The following NGRN variants were observed in gnomAD, a reference collection of about 807,000 sequenced individuals.
NGRN encodes neugrin, neurite outgrowth associated.
NGRN carries 12 observed loss-of-function variants against 13.1 expected under a neutral mutation model. That is an observed-to-expected ratio of 0.92 (90% CI 0.59 to 1.49). The LOEUF (loss-of-function observed/expected upper bound fraction) is 1.49, where lower values mean the gene tolerates loss of function less well. Among genes scored for constraint, NGRN ranks in the 40% most tolerant of loss-of-function variants. The pLI, the probability that NGRN is intolerant of heterozygous loss-of-function variation, is 0.00. For missense variants in NGRN, 397 were observed against 357.0 expected (o/e 1.11, Z -0.90); for synonymous variants, 149 against 145.8 (o/e 1.02, Z -0.16).
chr15:90,272,015 C>A lies in NGRN; in HGVS notation c.*227C>A. On this transcript the variant is annotated 3_prime_UTR_variant, in exon 3 of 3. Transcript: ENST00000379095. ...TCAGTACTCACTCTTCTTGCTTAGG[C>A]TCTCTGTGTGTTGAAAGCCATCCCG... is the stretch of plus-strand genomic sequence containing the variant. The A allele has an allele frequency of 5.5e-6, 3 of 544,734 alleles. No homozygotes were observed. The South Asian group carries it at 8.9e-5, about 16-fold the overall frequency. The allele number at this position is 544,734 out of a possible 1,614,324, so 33.7% of individuals were successfully genotyped here. A position where few individuals can be genotyped will look rare whatever the true frequency, so the allele number is the denominator to read the frequency against.
chr15:90,266,564 C>G (rs1449317537), intron 2 of NGRN, among the ~76,000 whole-genome samples, 166 bp downstream of exon 2: 1 of 152,140 alleles, frequency 6.6e-6, no homozygotes, highest in Non-Finnish European at 1.5e-5. Context: ...ACTTCCCTAA[C>G]CCTGTCATTA....
intron 2 of NGRN, among the ~76,000 whole-genome samples, chr15:90,268,853 T>G (rs1222882536): frequency 6.6e-6 from 1 of 150,790 alleles, no homozygotes; most frequent in Non-Finnish European, 1.5e-5. Context: ...TGGTCTCCAG[T>G]TTCTGAGCTC....
Position 90,271,401 on chromosome 15 carries a change from C to G in NGRN, c.489C>G (p.Leu163=). 1 of 1,614,002 alleles carries G rather than the reference C, an allele frequency of 6.2e-7. No individual in the cohort carries two copies. Among genetic ancestry groups the G allele is most frequent in the Non-Finnish European group, 8.5e-7 (1 of 1,179,994 alleles). The change falls in exon 3 of 3, where the codon CTC becomes CTG. Residue 163 remains leucine, a synonymous_variant. Transcript: ENST00000379095. ...GCTCTGGAAATACCTCAAAGCTGCT[C>G]CCTGCAGGCCACTCTGTATCAGGCT... ...LRGSGNTSKL[L]PAGHSVSGSL...
Position 90,268,404 on chromosome 15 carries a change from A to C in NGRN, c.275+2006A>C, listed in dbSNP as rs1393081203. Among the ~76,000 whole-genome samples, 4 of 151,432 alleles carry C rather than the reference A, an allele frequency of 2.6e-5. No homozygotes were observed. The East Asian group carries it at 7.7e-4, about 29-fold the overall frequency. On this transcript the variant is annotated intron_variant, in intron 2 of 2. Transcript: ENST00000379095. ...TGTCCTTTTAAGAGGAAAAAAAAAA[A>C]ACAGTCCATTAAGTAAAAACTTTCA...
rs568636459 is a variant in NGRN, at chr15:90,269,796, A to G, written c.276-1392A>G. ...TAGAATTCATCGTTGTTCCCTGACA[A>G]CTTCATTCTGTTCCTGTTTTTCCTA... On this transcript the variant is annotated intron_variant, in intron 2 of 2. Transcript: ENST00000379095. 3.9e-5 allele frequency among the ~76,000 whole-genome samples: 6 copies of G among 152,236 alleles called. No individual in the cohort carries two copies. The East Asian group carries it at 1.2e-3, about 29-fold the overall frequency.
chr15:90,269,454 G>A (rs1963475508), intron 2 of NGRN, among the ~76,000 whole-genome samples: 1 of 151,978 alleles, frequency 6.6e-6, no homozygotes. Flanking sequence ...TGACTCCAGG[G>A]TACCATTCCC....
Position 90,265,847 on chromosome 15 carries a change from G to A in NGRN, c.135G>A (p.Pro45=). The A allele has an allele frequency of 1.9e-6, 3 of 1,605,340 alleles. No homozygotes were observed. The highest frequency in any genetic ancestry group is 4.5e-5 in the East Asian group (2 of 44,454). ...CGGACCCCGATTCCGACTGGGAGCC[G>A]GAGGAACGGGAGCTGCAGGAGGTGG... ...REPDPDSDWE[P]EERELQEVES... Residue 45 remains proline, a synonymous_variant, in exon 1 of 3, where the codon CCG becomes CCA. Coordinates refer to ENST00000379095, the MANE Select transcript of NGRN (RefSeq NM_001033088.3).
At chr15:90,266,667 G>T (rs560785447) in intron 2 of NGRN, among the ~76,000 whole-genome samples, 1 of 152,218 alleles carries the variant, frequency 6.6e-6, no homozygotes, top group South Asian at 2.1e-4. Context: ...TCCCGCCTCG[G>T]CCTCTCAGAG....
chr15:90,271,899 A>G lies in NGRN; in HGVS notation c.*111A>G. The G allele has an allele frequency of 6.9e-7, 1 of 1,446,290 alleles. No homozygotes were observed. Among genetic ancestry groups the G allele is most frequent in the South Asian group, 1.3e-5 (1 of 76,094 alleles). 89.6% of individuals were successfully genotyped at this position (1,446,290 alleles called of 1,614,324 possible). A position where few individuals can be genotyped will look rare whatever the true frequency, so the allele number is the denominator to read the frequency against. On this transcript the variant is annotated 3_prime_UTR_variant, in exon 3 of 3. Transcript: ENST00000379095. ...GGATAAGCCACCTTGGAATAGGAAGAGGTGTTGAGCCTGGACTGTGGGAGG... is the reference window on the plus strand; with the variant it reads ...GGATAAGCCACCTTGGAATAGGAAGGGGTGTTGAGCCTGGACTGTGGGAGG...
rs773998941 is a variant in NGRN, at chr15:90,265,843, A to T, written c.131A>T (p.Glu44Val). The T allele has an allele frequency of 6.2e-7, 1 of 1,607,104 alleles. No homozygotes were observed. The highest frequency in any genetic ancestry group is 2.2e-5 in the East Asian group (1 of 44,556). Residue 44 changes from glutamate (E) to valine (V), a missense_variant, in exon 1 of 3, where the codon GAG (glutamate) becomes GTG (valine). Physicochemically the swap from Glu to Val is moderately radical, Grantham distance 121 (BLOSUM62 -2). Transcript: ENST00000379095. ...GREPDPDSDW[E>V]PEERELQEVE... ...GAGCCGGACCCCGATTCCGACTGGG[A>T]GCCGGAGGAACGGGAGCTGCAGGAG... is the stretch of plus-strand genomic sequence containing the variant.
At chr15:90,268,793 T>A (rs56161882) in intron 2 of NGRN, among the ~76,000 whole-genome samples, 3,118 of 150,852 alleles carry the variant, frequency 0.021, 103 homozygotes, top group African/African-American at 0.068. Context: ...TAAATTAAAA[T>A]ATATATATAT....
Position 90,271,997 on chromosome 15 carries a change from T to A in NGRN, c.*209T>A. ...TCTGACCTCTGTAGACCTTCAGTAC[T>A]CACTCTTCTTGCTTAGGCTCTCTGT... On this transcript the variant is annotated 3_prime_UTR_variant, in exon 3 of 3. Transcript: ENST00000379095. The A allele has an allele frequency of 1.7e-6, 1 of 596,104 alleles. No individual in the cohort carries two copies. The allele number at this position is 596,104 out of a possible 1,614,324, so 36.9% of individuals were successfully genotyped here. A position where few individuals can be genotyped will look rare whatever the true frequency, so the allele number is the denominator to read the frequency against.
intron 1 of NGRN, 145 bp from the exon 2 acceptor site, chr15:90,266,143 G>T (rs74037080): frequency 2.1e-6 from 3 of 1,454,730 alleles, no homozygotes; most frequent in Non-Finnish European, 2.7e-6. Context: ...CTGGGTGTAC[G>T]GAGCAGCTCT....
chr15:90,265,968 C>T (rs1963410576), intron 1 of NGRN, 92 bp downstream of exon 1: 1 of 1,423,516 alleles, frequency 7.0e-7, no homozygotes, highest in African/African-American at 1.5e-5. Context: ...TGTCCTGCCG[C>T]TGCTTGCGCA....
Position 90,272,145 on chromosome 15 carries a change from T to G in NGRN, c.*357T>G, listed in dbSNP as rs1963515749. The G allele has an allele frequency of 4.3e-6, 1 of 235,068 alleles. No individual in the cohort carries two copies. Among genetic ancestry groups the G allele is most frequent in the Admixed American group, 5.0e-5 (1 of 20,032 alleles). The allele number at this position is 235,068 out of a possible 1,614,324, so 14.6% of individuals were successfully genotyped here. A position where few individuals can be genotyped will look rare whatever the true frequency, so the allele number is the denominator to read the frequency against. On this transcript the variant is annotated 3_prime_UTR_variant, in exon 3 of 3. Transcript: ENST00000379095. Reference sequence around the variant, plus strand: ...CATTTCCTTCTTGATCAGTGAACACTAACATTTTGGGGACAACTTAGTCAA... The same window carrying G: ...CATTTCCTTCTTGATCAGTGAACACGAACATTTTGGGGACAACTTAGTCAA...
rs1963418369 is a variant in NGRN at position 90,266,276 on chromosome 15, C to G, written c.165-12C>G. Reference sequence around the variant, plus strand: ...CCACGCATGGCTTCTGCCATTGGTTCTCTTCCCCCAGCACCCTGAAACGAC... The same window carrying G: ...CCACGCATGGCTTCTGCCATTGGTTGTCTTCCCCCAGCACCCTGAAACGAC... On this transcript the variant is annotated splice_polypyrimidine_tract_variant and intron_variant, in intron 1 of 2. Coordinates refer to ENST00000379095, the MANE Select transcript of NGRN (RefSeq NM_001033088.3). 2 of 1,610,852 alleles carry G rather than the reference C, an allele frequency of 1.2e-6. No individual in the cohort carries two copies. The highest frequency in any genetic ancestry group is 1.7e-6 in the Non-Finnish European group (2 of 1,178,680).
At position 90,267,990 on chromosome 15, in the gene NGRN, CT is replaced by C. The variant is rs376271136; in HGVS notation, c.275+1593del. Among the ~76,000 whole-genome samples the C allele has an allele frequency of 1.1e-3, 173 of 152,124 alleles. 1 individual carries two copies. Among genetic ancestry groups the C allele is most frequent in the Non-Finnish European group, 1.9e-3 (132 of 67,994 alleles). ...CTGAGTCCTCAGTCAGGTCTAGCTC[CT>C]CTTTTTTTCGTTTGTTTGTTTGTTT... On this transcript the variant is annotated intron_variant, in intron 2 of 2. Transcript: ENST00000379095.
intron 2 of NGRN, among the ~76,000 whole-genome samples, chr15:90,267,337 A>G (rs2151658832): frequency 6.6e-6 from 1 of 152,134 alleles, no homozygotes; most frequent in Non-Finnish European, 1.5e-5. Flanking sequence ...CAGCTGTACT[A>G]TTTTTAATAG....
intron 2 of NGRN, among the ~76,000 whole-genome samples, chr15:90,268,428 C>A (rs1171117487): frequency 2.0e-5 from 3 of 151,308 alleles, no homozygotes; most frequent in Non-Finnish European, 4.4e-5. Flanking sequence ...TAAAAACTTT[C>A]AGCTTCCTGG....
Sources: gnomAD v4.1 joint callset for allele counts (sites outside exome capture counted in the v4.1 genomes callset) on GRCh38, gnomAD v4.1.1 for gene constraint, MANE v1.5 for transcripts, NCBI Gene and HGNC (gene_info 2026-07-23, HGNC 2026-07-21) for gene names.